Variants in GABRB1 observed in about 807,000 individuals in gnomAD.
GABRB1 encodes gamma-aminobutyric acid receptor subunit beta-1.
Under a neutral mutation model 51.6 loss-of-function variants are expected in GABRB1, and 17 were observed. The ratio of observed to expected loss-of-function variants is 0.33; its 90% CI spans 0.23 to 0.49. GABRB1 has a LOEUF of 0.49. GABRB1 is among the 20% of genes least tolerant of loss of function. The probability of loss-of-function intolerance (pLI) is 0.99; values close to 1 mark genes in which losing one functional copy is unlikely to be tolerated. For missense variants in GABRB1, 410 were observed against 600.6 expected (o/e 0.68, Z 3.32); for synonymous variants, 247 against 218.9 (o/e 1.13, Z -1.14).
At chr4:47,412,859 G>C (rs932068048) in intron 8 of GABRB1, among the ~76,000 whole-genome samples, 1 of 152,128 alleles carries the variant, frequency 6.6e-6, no homozygotes, top group African/African-American at 2.4e-5. Flanking sequence ...TTTGCATAAG[G>C]CTCAAAAAAC....
At chr4:47,270,015 C>A (rs945388496) in intron 4 of GABRB1, among the ~76,000 whole-genome samples, 1 of 150,216 alleles carries the variant, frequency 6.7e-6, no homozygotes, top group Non-Finnish European at 1.5e-5. Context: ...CCAACAAATT[C>A]CAGCTTCAAC....
At chr4:47,345,788 A>G (rs918985457) in intron 5 of GABRB1, among the ~76,000 whole-genome samples, 1 of 151,938 alleles carries the variant, frequency 6.6e-6, no homozygotes, top group East Asian at 1.9e-4. Flanking sequence ...CAGGAACACA[A>G]TAGTTTATTC....
intron 5 of GABRB1, among the ~76,000 whole-genome samples, chr4:47,380,813 T>A (rs1727568550): frequency 6.6e-6 from 1 of 152,196 alleles, no homozygotes; most frequent in Non-Finnish European, 1.5e-5. Context: ...CTTTTTTCTA[T>A]AGATAAAGAT....
At chr4:47,286,508 C>A (rs1242205313) in intron 4 of GABRB1, among the ~76,000 whole-genome samples, 1 of 152,118 alleles carries the variant, frequency 6.6e-6, no homozygotes, top group African/African-American at 2.4e-5. Flanking sequence ...CTTGACAAGC[C>A]CCCTGTGCTC....
chr4:47,157,188 C>T (rs1441246281), intron 3 of GABRB1, among the ~76,000 whole-genome samples: 1 of 126,436 alleles, frequency 7.9e-6, no homozygotes, highest in Non-Finnish European at 1.8e-5. Flanking sequence ...GTCACACTTT[C>T]TCTCAAGAAA....
chr4:47,050,451 AT>A (rs1017159241), intron 3 of GABRB1, among the ~76,000 whole-genome samples: 5 of 151,970 alleles, frequency 3.3e-5, no homozygotes, highest in African/African-American at 9.7e-5. Flanking sequence ...ACATACATAT[AT>A]TTTTTTTAAG....
chr4:47,169,627 G>A (rs1222768037), intron 4 of GABRB1, among the ~76,000 whole-genome samples: 4 of 151,908 alleles, frequency 2.6e-5, no homozygotes, highest in Admixed American at 6.6e-5. Context: ...TCAGCCTCCC[G>A]AGTAGCTGGG....
chr4:47,240,951 A>G (rs1361544375), intron 4 of GABRB1, among the ~76,000 whole-genome samples: 2 of 152,164 alleles, frequency 1.3e-5, no homozygotes, highest in African/African-American at 2.4e-5. Context: ...AAAATTGTAC[A>G]TACTCATTAA....
chr4:47,070,584 G>A (rs1028016984), intron 3 of GABRB1, among the ~76,000 whole-genome samples: 3 of 151,918 alleles, frequency 2.0e-5, no homozygotes, highest in South Asian at 2.1e-4. Flanking sequence ...CAACTGCCTC[G>A]ACCTCCCAAA....
intron 3 of GABRB1, among the ~76,000 whole-genome samples, chr4:47,130,956 G>A (rs1215201256): frequency 1.3e-5 from 2 of 152,182 alleles, no homozygotes; most frequent in African/African-American, 4.8e-5. Flanking sequence ...AGTTCAACCA[G>A]TCATCAAACT....
intron 4 of GABRB1, among the ~76,000 whole-genome samples, chr4:47,222,674 A>G (rs1344785458): frequency 6.6e-6 from 1 of 152,180 alleles, no homozygotes; most frequent in African/African-American, 2.4e-5. Flanking sequence ...CCACTCAACT[A>G]GAAAACTACT....
intron 8 of GABRB1, 80 bp from the exon 9 acceptor site, chr4:47,425,594 G>C (rs1729254454): frequency 1.9e-6 from 2 of 1,058,700 alleles, no homozygotes; most frequent in African/African-American, 3.2e-5. Context: ...TGAGCCTTAT[G>C]GGGTATCATT....
chr4:47,060,819 C>A (rs1215929758), intron 3 of GABRB1, among the ~76,000 whole-genome samples: 1 of 152,104 alleles, frequency 6.6e-6, no homozygotes, highest in Non-Finnish European at 1.5e-5. Flanking sequence ...GATGAATGTA[C>A]GGTGTTGACC....
intron 4 of GABRB1, among the ~76,000 whole-genome samples, chr4:47,182,808 CAG>C (rs1719008706): frequency 6.6e-6 from 1 of 151,870 alleles, no homozygotes; most frequent in Admixed American, 6.6e-5. Context: ...AGTGTTATAA[CAG>C]AGAAAACTCT....
chr4:47,099,137 A>T (rs1321684152), intron 3 of GABRB1, among the ~76,000 whole-genome samples: 1 of 152,098 alleles, frequency 6.6e-6, no homozygotes, highest in Non-Finnish European at 1.5e-5. Context: ...TGGGTTTGAA[A>T]ATTCTATCAA....
chr4:47,058,751 C>T (rs1726726550), intron 3 of GABRB1, among the ~76,000 whole-genome samples: 1 of 152,132 alleles, frequency 6.6e-6, no homozygotes. Flanking sequence ...GGAGACAACT[C>T]TAATAGATTG....
At chr4:47,029,973 T>G (rs573340480), upstream of GABRB1, among the ~76,000 whole-genome samples, 9 of 152,258 alleles carry the variant, frequency 5.9e-5, no homozygotes, top group Non-Finnish European at 1.2e-4. Flanking sequence ...TTCTCTTTTT[T>G]TCTTCTTCTT....
chr4:47,035,600 A>T (rs535574030), intron 3 of GABRB1, among the ~76,000 whole-genome samples: 24 of 152,198 alleles, frequency 1.6e-4, no homozygotes, highest in African/African-American at 5.5e-4. Flanking sequence ...ATATATTATA[A>T]CCTTCAAACC....
chr4:47,180,819 G>C (rs1030551061), intron 4 of GABRB1, among the ~76,000 whole-genome samples: 3 of 151,992 alleles, frequency 2.0e-5, no homozygotes, highest in African/African-American at 4.8e-5. Context: ...AGCTTTGACA[G>C]GTGGTAGAAT....
Sources: gnomAD v4.1 joint callset for allele counts (sites outside exome capture counted in the v4.1 genomes callset) on GRCh38, gnomAD v4.1.1 for gene constraint, MANE v1.5 for transcripts, NCBI Gene and HGNC (gene_info 2026-07-23, HGNC 2026-07-21) for gene names.